ERBB4: variants seen among roughly 807,000 people sequenced by gnomAD.
The protein encoded by ERBB4 is erb-b2 receptor tyrosine kinase 4.
In ERBB4, 42 loss-of-function variants were observed where a neutral mutation model predicts 158.0. The observed-to-expected ratio is 0.27, with a 90% CI of 0.21 to 0.34. The LOEUF (loss-of-function observed/expected upper bound fraction) is 0.34. Among genes scored for constraint, ERBB4 ranks in the 10% least tolerant of loss-of-function variants. ERBB4 has a pLI of 1.00. For missense variants in ERBB4, 1,333 were observed against 1,624.1 expected, an observed-to-expected ratio of 0.82 and a Z score of 3.08; for synonymous variants, 583 against 558.7, an observed-to-expected ratio of 1.04 and a Z score of -0.61.
chr2:211,935,234 A>T (rs2080287884), intron 3 of ERBB4, among the ~76,000 whole-genome samples: 1 of 152,174 alleles, frequency 6.6e-6, no homozygotes, highest in African/African-American at 2.4e-5. Context: ...GGTTAACTTT[A>T]GACGTCACCT....
At chr2:211,925,861 G>C (rs889777594) in intron 3 of ERBB4, among the ~76,000 whole-genome samples, 4 of 151,842 alleles carry the variant, frequency 2.6e-5, no homozygotes, top group Admixed American at 6.6e-5. Context: ...TTTGTGTCTA[G>C]AGTGCAATTT....
intron 16 of ERBB4, among the ~76,000 whole-genome samples, chr2:211,652,742 T>C (rs962993092): frequency 4.1e-5 from 6 of 147,256 alleles, no homozygotes; most frequent in Admixed American, 6.7e-5. Flanking sequence ...CTTTACTTTA[T>C]ATTGTGAAGC....
intron 2 of ERBB4, among the ~76,000 whole-genome samples, chr2:212,053,332 C>T (rs944695169): frequency 1.3e-5 from 2 of 152,028 alleles, no homozygotes; most frequent in African/African-American, 4.8e-5. Context: ...ACCAAATTAC[C>T]CCTGGACTGG....
intron 20 of ERBB4, among the ~76,000 whole-genome samples, chr2:211,524,423 C>CGGGGCGGGGGGGG (rs1559258462): frequency 6.7e-6 from 1 of 148,964 alleles, no homozygotes; most frequent in African/African-American, 2.6e-5. Flanking sequence ...TGCCGTGGAG[C>CGGGGCGGGGGGGG]AGGGGGTGGT....
chr2:212,538,328 A>T, intron 1 of ERBB4, 121 bp downstream of exon 1: 1 of 843,892 alleles, frequency 1.2e-6, no homozygotes, highest in Non-Finnish European at 2.1e-6. Flanking sequence ...CCCAGGGAAG[A>T]GGCCCCGGTC....
chr2:212,254,765 A>T (rs1246287514), intron 1 of ERBB4, among the ~76,000 whole-genome samples: 1 of 152,192 alleles, frequency 6.6e-6, no homozygotes, highest in Admixed American at 6.6e-5. Context: ...GTGTTTATGC[A>T]TTAAAAGAGG....
chr2:211,579,565 T>C (rs1446722776), intron 19 of ERBB4, among the ~76,000 whole-genome samples: 1 of 152,108 alleles, frequency 6.6e-6, no homozygotes, highest in East Asian at 1.9e-4. Context: ...CTATCAATGA[T>C]AGACTGGATA....
At chr2:211,610,249 A>C (rs1335952623) in intron 19 of ERBB4, among the ~76,000 whole-genome samples, 3 of 152,190 alleles carry the variant, frequency 2.0e-5, no homozygotes, top group Admixed American at 2.0e-4. Flanking sequence ...TATTGCAATT[A>C]TCACAGCATA....
chr2:211,932,409 G>C (rs2080202443), intron 3 of ERBB4, among the ~76,000 whole-genome samples: 1 of 151,926 alleles, frequency 6.6e-6, no homozygotes, highest in Non-Finnish European at 1.5e-5. Context: ...ACAATAATCA[G>C]AGTAAAAAAT....
chr2:212,033,779 T>C (rs1236843485), intron 2 of ERBB4, among the ~76,000 whole-genome samples: 1 of 151,908 alleles, frequency 6.6e-6, no homozygotes, highest in African/African-American at 2.4e-5. Flanking sequence ...TCTCTGCTAC[T>C]TATTAGCTAT....
chr2:211,720,711 T>C lies in ERBB4; in HGVS notation c.883+1682A>G, dbSNP rs144747821. ...TATTCAGTGCTGTTCTATTTTTCAT[T>C]AACTTCTGTTATTCATTTTCAGCAT... On this transcript the variant is annotated intron_variant, in intron 7 of 27. Transcript: ENST00000342788. Among the ~76,000 whole-genome samples, 603 of 152,316 alleles carry C rather than the reference T, an allele frequency of 4.0e-3. 4 individuals are homozygous for C. The highest frequency in any genetic ancestry group is 6.2e-3 in the Non-Finnish European group (422 of 68,018).
At chr2:212,009,160 C>T (rs1385466164) in intron 2 of ERBB4, among the ~76,000 whole-genome samples, 1 of 151,922 alleles carries the variant, frequency 6.6e-6, no homozygotes, top group East Asian at 1.9e-4. Flanking sequence ...TCCCCCAACC[C>T]CCCAAAAAGA....
intron 1 of ERBB4, among the ~76,000 whole-genome samples, chr2:212,229,707 G>A (rs752604467): frequency 6.6e-6 from 1 of 152,052 alleles, no homozygotes; most frequent in Non-Finnish European, 1.5e-5. Context: ...AAATAATGAG[G>A]ATCTAAGCAA....
At chr2:211,844,229 A>T (rs2077541357) in intron 3 of ERBB4, among the ~76,000 whole-genome samples, 1 of 152,156 alleles carries the variant, frequency 6.6e-6, no homozygotes, top group African/African-American at 2.4e-5. Context: ...TAAATATCAT[A>T]CTAAGGGCAA....
intron 19 of ERBB4, among the ~76,000 whole-genome samples, chr2:211,579,277 T>G (rs2067985638): frequency 6.6e-6 from 1 of 152,122 alleles, no homozygotes; most frequent in South Asian, 2.1e-4. Flanking sequence ...AGAATAGCGA[T>G]TCTTAAAAAG....
chr2:211,726,455 G>A (rs1198395835), intron 5 of ERBB4, among the ~76,000 whole-genome samples: 1 of 152,088 alleles, frequency 6.6e-6, no homozygotes. Flanking sequence ...CCACTACTGA[G>A]TGTATTTCTT....
chr2:211,524,021 G>C (rs1014951242), intron 20 of ERBB4, among the ~76,000 whole-genome samples: 1 of 152,120 alleles, frequency 6.6e-6, no homozygotes, highest in African/African-American at 2.4e-5. Flanking sequence ...AGAATAGGTA[G>C]ATACAGAGTG....
intron 3 of ERBB4, among the ~76,000 whole-genome samples, chr2:211,929,635 T>C (rs1004337882): frequency 3.3e-5 from 5 of 152,176 alleles, no homozygotes; most frequent in Admixed American, 6.6e-5. Context: ...CGGTTTTCTG[T>C]AAAATTAATT....
intron 1 of ERBB4, among the ~76,000 whole-genome samples, chr2:212,347,131 C>T: frequency 6.6e-6 from 1 of 152,086 alleles, no homozygotes; most frequent in East Asian, 1.9e-4. Flanking sequence ...TTCCAAAACA[C>T]TTGACTCTCT....
Sources: gnomAD v4.1 joint callset for allele counts (sites outside exome capture counted in the v4.1 genomes callset) on GRCh38, gnomAD v4.1.1 for gene constraint, MANE v1.5 for transcripts, NCBI Gene and HGNC (gene_info 2026-07-23, HGNC 2026-07-21) for gene names.